Variants in ZBTB10 observed in about 807,000 individuals in gnomAD.
ZBTB10 encodes the protein zinc finger and BTB domain containing 10.
In ZBTB10, 32 loss-of-function variants were observed where a neutral mutation model predicts 76.4. The observed-to-expected ratio is 0.42, with a 90% confidence interval of 0.32 to 0.56. ZBTB10 has a LOEUF of 0.56. ZBTB10 is among the 20% of genes least tolerant of loss of function. ZBTB10 has a pLI of 0.14. For synonymous variants in ZBTB10, 523 were observed against 432.9 expected, an observed-to-expected ratio of 1.21 and a Z score of -2.58; for missense variants, 1,057 against 1,098.5, an observed-to-expected ratio of 0.96 and a Z score of 0.53.
At chr8:80,495,457 C>T (rs1407177370) in intron 1 of ZBTB10, among the ~76,000 whole-genome samples, 3 of 149,912 alleles carry the variant, frequency 2.0e-5, no homozygotes, top group African/African-American at 4.9e-5. Flanking sequence ...TTGAAGTGCT[C>T]ATCCACCCAT....
chr8:80,487,432 A>G lies in ZBTB10; in HGVS notation c.622A>G (p.Arg208Gly). 6.5e-7 allele frequency: 1 copy of G among 1,544,546 alleles called. No individual in the cohort carries two copies. The highest frequency in any genetic ancestry group is 8.8e-7 in the Non-Finnish European group (1 of 1,142,134). The change falls in exon 1 of 6, where the codon AGG becomes GGG. Residue 208 changes from arginine to glycine, a missense_variant. Transcript: ENST00000455036. ...GAEGGSCSSSRRSGGDGGDEV... is the reference protein window; with the variant it reads ...GAEGGSCSSSGRSGGDGGDEV... Reference sequence around the variant, plus strand: ...GGAAGGCGGCAGCTGCAGCAGCAGCAGGCGGTCGGGCGGCGATGGCGGGGA... The same window carrying G: ...GGAAGGCGGCAGCTGCAGCAGCAGCGGGCGGTCGGGCGGCGATGGCGGGGA...
intron 2 of ZBTB10, among the ~76,000 whole-genome samples, chr8:80,502,663 A>C (rs2131494991): frequency 6.6e-6 from 1 of 152,228 alleles, no homozygotes; most frequent in Non-Finnish European, 1.5e-5. Flanking sequence ...GTCTCAAAAG[A>C]GCATTATGGT....
chr8:80,501,871 C>G (rs535846562), intron 2 of ZBTB10, among the ~76,000 whole-genome samples: 4 of 152,164 alleles, frequency 2.6e-5, no homozygotes, highest in African/African-American at 9.7e-5. Context: ...TGTAGAAGAC[C>G]TTGACAGATT....
Position 80,487,149 on chromosome 8 carries a change from C to T in ZBTB10, c.339C>T (p.Pro113=), listed in dbSNP as rs2131466409. The change falls in exon 1 of 6, where the codon CCC becomes CCT. Residue 113 remains proline (P), a synonymous_variant. Transcript: ENST00000455036. ...CGCTTGGCGGTGGCGCGGGGGGCCC[C>T]CTGCTAGCGGAAAGGAACCGTCGGA... ...PTSLGGGAGG[P]LLAERNRRTL... is the part of the protein sequence containing the mutation. The T allele has an allele frequency of 1.3e-6, 2 of 1,515,442 alleles. No homozygotes were observed. The highest frequency in any genetic ancestry group is 2.6e-5 in the East Asian group (1 of 38,992). 93.9% of individuals were successfully genotyped at this position (1,515,442 alleles called of 1,614,324 possible).
intron 1 of ZBTB10, among the ~76,000 whole-genome samples, chr8:80,491,442 G>A (rs1452812808): frequency 6.6e-6 from 1 of 152,170 alleles, no homozygotes; most frequent in Non-Finnish European, 1.5e-5. Context: ...ATAACTGTAT[G>A]TCATGAAAGG....
chr8:80,517,491 G>A (rs935849920), intron 3 of ZBTB10, among the ~76,000 whole-genome samples: 1 of 152,090 alleles, frequency 6.6e-6, no homozygotes, highest in Non-Finnish European at 1.5e-5. Context: ...TCTTCTGCAC[G>A]TTATTTTATT....
At chr8:80,519,180 A>T (rs757709993) in intron 5 of ZBTB10, 43 bp from the exon 6 acceptor site, 5 of 1,557,670 alleles carry the variant, frequency 3.2e-6, no homozygotes, top group Non-Finnish European at 4.4e-6. Flanking sequence ...GCATTCTATT[A>T]TATATAATAT....
intron 2 of ZBTB10, among the ~76,000 whole-genome samples, chr8:80,502,738 TAAA>T (rs33919475): frequency 2.1e-5 from 3 of 145,084 alleles, no homozygotes; most frequent in Non-Finnish European, 4.6e-5. Context: ...GCTAAAACAG[TAAA>T]AAAAAAAAAG....
intron 2 of ZBTB10, among the ~76,000 whole-genome samples, chr8:80,512,094 T>C (rs930612171): frequency 6.6e-6 from 1 of 152,118 alleles, no homozygotes; most frequent in Non-Finnish European, 1.5e-5. Flanking sequence ...AAATAACATT[T>C]ACCACATTTA....
At chr8:80,502,066 A>G (rs1390173063) in intron 2 of ZBTB10, among the ~76,000 whole-genome samples, 1 of 152,222 alleles carries the variant, frequency 6.6e-6, no homozygotes, top group Non-Finnish European at 1.5e-5. Context: ...TTAATGCCAC[A>G]TATAATTGGA....
In ZBTB10 at chr8:80,486,509, T is replaced by A. The variant is rs902364301; in HGVS notation, c.-302T>A. 2.7e-5 allele frequency: 27 copies of A among 984,998 alleles called. No homozygotes were observed. In the East Asian group the frequency reaches 3.0e-3, roughly 110 times the overall value. 61.0% of individuals were successfully genotyped at this position (984,998 alleles called of 1,614,324 possible). ...GCTCGCTGCAGGCTCGCTCCTCACC[T>A]CTCCGCCGCCCGCCCCCTTCTCCGC... On this transcript the variant is annotated 5_prime_UTR_variant, in exon 1 of 6. Transcript: ENST00000455036.
chr8:80,525,194 T>C lies in ZBTB10; in HGVS notation c.*5666T>C, dbSNP rs1272933337. Reference sequence around the variant, plus strand: ...GGAGCAGGTGTAGGAAATTGAATTATTGGATCTATGTTTAGGTAAGAAAAC... The same window carrying C: ...GGAGCAGGTGTAGGAAATTGAATTACTGGATCTATGTTTAGGTAAGAAAAC... On this transcript the variant is annotated 3_prime_UTR_variant, in exon 6 of 6. Transcript: ENST00000455036. 2 of 152,126 alleles carry C rather than the reference T, an allele frequency of 1.3e-5. No individual in the cohort carries two copies. Among genetic ancestry groups the C allele is most frequent in the Non-Finnish European group, 2.9e-5 (2 of 67,994 alleles). The allele number at this position is 152,126 out of a possible 1,614,324, so 9.4% of individuals were successfully genotyped here.
At chr8:80,501,946 C>A (rs1180943876) in intron 2 of ZBTB10, among the ~76,000 whole-genome samples, 1 of 152,046 alleles carries the variant, frequency 6.6e-6, no homozygotes, top group Non-Finnish European at 1.5e-5. Flanking sequence ...ATGGTGGGAA[C>A]CCTGTAGTGT....
intron 2 of ZBTB10, among the ~76,000 whole-genome samples, chr8:80,502,425 G>A (rs1398504710): frequency 6.6e-6 from 1 of 151,402 alleles, no homozygotes; most frequent in Non-Finnish European, 1.5e-5. Flanking sequence ...TACTAGAGAC[G>A]GGGGTCTCAC....
rs1456713843 is a variant in ZBTB10, at chr8:80,521,523, T to C, written c.*1995T>C. 2 of 151,766 alleles carry C rather than the reference T, an allele frequency of 1.3e-5. No homozygotes were observed. The highest frequency in any genetic ancestry group is 4.8e-5 in the African/African-American group (2 of 41,418). 9.4% of individuals were successfully genotyped at this position (151,766 alleles called of 1,614,324 possible). A position where few individuals can be genotyped will look rare whatever the true frequency, so the allele number is the denominator to read the frequency against. ...ATTGGTAGATCTGTCTATATATAAA[T>C]ATATATTAAAGAACAAAGATATATA... is the stretch of plus-strand genomic sequence containing the variant. On this transcript the variant is annotated 3_prime_UTR_variant, in exon 6 of 6. Coordinates refer to ENST00000455036, the MANE Select transcript of ZBTB10 (RefSeq NM_001105539.3).
intron 3 of ZBTB10, among the ~76,000 whole-genome samples, chr8:80,517,292 G>A (rs1816347703): frequency 1.3e-5 from 2 of 152,190 alleles, no homozygotes; most frequent in African/African-American, 2.4e-5. Context: ...CAGTCCAGGG[G>A]CTAGAGCTCA....
chr8:80,499,890 A>T lies in ZBTB10; in HGVS notation c.1369A>T (p.Asn457Tyr). The part of the protein sequence containing the change: ...QMSEVVQTCR[N>Y]FIKDALNISI... ...GAGTGAAGTTGTTCAAACTTGCCGA[A>T]ATTTCATTAAAGATGCCTTAAATAT... Residue 457 changes from asparagine (N) to tyrosine (Y), a missense_variant, in exon 2 of 6, where the codon AAT (asparagine) becomes TAT (tyrosine). Coordinates refer to ENST00000455036, the MANE Select transcript of ZBTB10 (RefSeq NM_001105539.3). 6.2e-7 allele frequency: 1 copy of T among 1,613,868 alleles called. No homozygotes were observed. The highest frequency in any genetic ancestry group is 8.5e-7 in the Non-Finnish European group (1 of 1,179,848).
At chr8:80,504,855 C>G (rs184473401) in intron 2 of ZBTB10, among the ~76,000 whole-genome samples, 5 of 152,312 alleles carry the variant, frequency 3.3e-5, no homozygotes, top group Admixed American at 3.3e-4. Context: ...AATTGAATTA[C>G]AGAAGTACAG....
upstream of ZBTB10, chr8:80,486,030 GA>G: frequency 1.0e-6 from 1 of 954,346 alleles, no homozygotes; most frequent in South Asian, 1.9e-5. Context: ...CCCCTCGGCC[GA>G]CTTCCTTCCC....
Sources: gnomAD v4.1 joint callset for allele counts (sites outside exome capture counted in the v4.1 genomes callset) on GRCh38, gnomAD v4.1.1 for gene constraint, MANE v1.5 for transcripts, NCBI Gene and HGNC (gene_info 2026-07-23, HGNC 2026-07-21) for gene names.